SPTBN5: variants seen among roughly 807,000 people sequenced by gnomAD.
SPTBN5 encodes spectrin beta chain, non-erythrocytic 5.
In SPTBN5, 513 loss-of-function variants were observed where a neutral mutation model predicts 477.6. That is an observed-to-expected ratio of 1.07 (90% confidence interval 1.00 to 1.16). SPTBN5 has a LOEUF of 1.16. Ranked by LOEUF, SPTBN5 falls within the 50% of genes most tolerant of loss-of-function variation. The pLI is 0.00. For missense variants in SPTBN5, 5,062 were observed against 4,731.8 expected (o/e 1.07, Z -2.05); for synonymous variants, 2,169 against 2,011.7 (o/e 1.08, Z -2.09).
Position 41,862,805 on chromosome 15 carries a change from G to A in SPTBN5, c.7248C>T (p.Ile2416=). 6.3e-7 allele frequency: 1 copy of A among 1,576,304 alleles called. No homozygotes were observed. The highest frequency in any genetic ancestry group is 2.3e-5 in the East Asian group (1 of 42,760). Residue 2416 remains isoleucine, a synonymous_variant, in exon 42 of 68, where the codon ATC becomes ATT. Transcript: ENST00000320955. ...AGCTACGCACCTCCACCTGGGCCTG[G>A]ATGGGGTGCACTTCCCGCTCCAGCT... ...HEELEREVHP[I]QAQVESLERE...
chr15:41,878,750 C>G (rs536017970), intron 16 of SPTBN5, 121 bp from the exon 17 acceptor site: 2 of 1,110,478 alleles, frequency 1.8e-6, no homozygotes, highest in Non-Finnish European at 2.5e-6. Flanking sequence ...AATGCCCACC[C>G]CACCCTTGAC....
At chr15:41,867,990 G>A (rs1595472151) in intron 34 of SPTBN5, 79 bp downstream of exon 34, 17 of 1,475,506 alleles carry the variant, frequency 1.2e-5, no homozygotes, top group East Asian at 4.7e-5. Context: ...AGAGGCAGGA[G>A]GAAAGGGACT....
intron 43 of SPTBN5, 64 bp downstream of exon 43, chr15:41,862,475 G>A: frequency 6.4e-7 from 1 of 1,553,252 alleles, no homozygotes; most frequent in East Asian, 2.3e-5. Flanking sequence ...AGGGGCTGAG[G>A]GGAGGTGTGG....
At chr15:41,890,746 G>A (rs759875636) in intron 3 of SPTBN5, among the ~76,000 whole-genome samples, 1 of 152,204 alleles carries the variant, frequency 6.6e-6, no homozygotes, top group Non-Finnish European at 1.5e-5. Flanking sequence ...CCAGAGCCTG[G>A]GAATTTGCAC....
chr15:41,869,679 GC>G (rs1344721065), intron 32 of SPTBN5, among the ~76,000 whole-genome samples, 161 bp downstream of exon 32: 1 of 152,180 alleles, frequency 6.6e-6, no homozygotes, highest in Non-Finnish European at 1.5e-5. Flanking sequence ...CATGTGCTCA[GC>G]CCCTGACCAG....
At chr15:41,858,533 G>A in intron 49 of SPTBN5, 69 bp downstream of exon 49, 1 of 1,537,888 alleles carries the variant, frequency 6.5e-7, no homozygotes, top group Non-Finnish European at 8.8e-7. Flanking sequence ...TTCAGCACCA[G>A]CTCTGGGGCA....
chr15:41,861,442 A>T lies in SPTBN5; in HGVS notation c.7792T>A (p.Ser2598Thr). ...MERWLCSKED[S>T]LASEGLWDPL... ...ACCCATAGACCCTCACTGGCTAGGG[A>T]GTCTTCCTTGCTGCAAAGCCAACGT... Residue 2598 changes from serine to threonine, a missense_variant, in exon 46 of 68, where the codon TCC becomes ACC. Coordinates refer to ENST00000320955, the MANE Select transcript of SPTBN5 (RefSeq NM_016642.4). 1 of 1,613,576 alleles carries T rather than the reference A, an allele frequency of 6.2e-7. No individual in the cohort carries two copies.
rs751740719 is a variant in SPTBN5 at position 41,879,401 on chromosome 15, A to C, written c.3041T>G (p.Val1014Gly). 3.1e-6 allele frequency: 5 copies of C among 1,610,638 alleles called. No individual in the cohort carries two copies. The South Asian group carries it at 4.4e-5, about 14-fold the overall frequency. Reference sequence around the variant, plus strand: ...CTGGAGGAGCACGTCTCGCAGCTGGACCTGTGTGGGTCCACACTCCTGCAG... The same window carrying C: ...CTGGAGGAGCACGTCTCGCAGCTGGCCCTGTGTGGGTCCACACTCCTGCAG... Reference protein sequence around the residue: ...SFLQECGPTQVQLRDVLLQLE... With the variant: ...SFLQECGPTQGQLRDVLLQLE... The change falls in exon 16 of 68, where the codon GTC becomes GGC. Residue 1014 changes from valine to glycine, a missense_variant. By Grantham distance (109) the Val-to-Gly change is moderately radical. Transcript: ENST00000320955.
rs377064748 is a variant in SPTBN5, at chr15:41,879,410, G to C, written c.3032C>G (p.Pro1011Arg). ...CACGTCTCGCAGCTGGACCTGTGTG[G>C]GTCCACACTCCTGCAGAAAACTGCA... ...EVCSFLQECG[P>R]TQVQLRDVLL... The change falls in exon 16 of 68, where the codon CCC becomes CGC. Residue 1011 changes from proline (P) to arginine (R), a missense_variant. By Grantham distance (103) the Pro-to-Arg change is moderately radical. Transcript: ENST00000320955. The C allele has an allele frequency of 1.9e-6, 3 of 1,610,500 alleles. No homozygotes were observed. In the African/African-American group the frequency reaches 4.0e-5, roughly 22 times the overall value.
At chr15:41,884,990 A>G (rs1441631512) in intron 7 of SPTBN5, among the ~76,000 whole-genome samples, 1 of 152,014 alleles carries the variant, frequency 6.6e-6, no homozygotes, top group East Asian at 1.9e-4. Context: ...AGCCACTCAA[A>G]CTTAGCACCT....
At chr15:41,877,472 T>C (rs1425959144) in intron 17 of SPTBN5, 116 bp from the exon 18 acceptor site, 13 of 1,410,034 alleles carry the variant, frequency 9.2e-6, no homozygotes, top group Admixed American at 2.2e-5. Context: ...CTGAATGTGA[T>C]AGGCCCAGCA....
Position 41,855,334 on chromosome 15 carries a change from G to A in SPTBN5, c.9313C>T (p.Leu3105=), listed in dbSNP as rs780797357. 5 of 1,608,002 alleles carry A rather than the reference G, an allele frequency of 3.1e-6. No individual in the cohort carries two copies. Among genetic ancestry groups the A allele is most frequent in the Non-Finnish European group, 4.2e-6 (5 of 1,179,732 alleles). The stretch of plus-strand genomic sequence containing the variant: ...TCTCGCTCCAGCTGGTGTAGCTGCA[G>A]CTGCTCCTGCAGGCCGTGCCCCCTG... ...EARGHGLQEQ[L]QLHQLERETL... is the part of the protein sequence containing the mutation. Residue 3105 remains leucine (L), a synonymous_variant, in exon 55 of 68, where the codon CTG becomes TTG. Transcript: ENST00000320955.
chr15:41,862,732 G>T, intron 42 of SPTBN5, 58 bp downstream of exon 42: 1 of 1,542,910 alleles, frequency 6.5e-7, no homozygotes, highest in Non-Finnish European at 8.7e-7. Context: ...CTCCCCACTT[G>T]TGCCCAGGGT....
intron 59 of SPTBN5, 57 bp from the exon 60 acceptor site, chr15:41,853,057 G>C: frequency 6.8e-7 from 1 of 1,460,428 alleles, no homozygotes; most frequent in Non-Finnish European, 9.1e-7. Context: ...ACCATGGGCA[G>C]GGCAGGGCTG....
At chr15:41,869,392 C>T (rs919044062) in intron 32 of SPTBN5, among the ~76,000 whole-genome samples, 3 of 152,250 alleles carry the variant, frequency 2.0e-5, no homozygotes, top group South Asian at 4.1e-4. Flanking sequence ...GTTTCGGGCT[C>T]ATCTCCCCAG....
intron 6 of SPTBN5, 79 bp from the exon 7 acceptor site, chr15:41,886,445 C>T: frequency 6.9e-7 from 1 of 1,456,826 alleles, no homozygotes; most frequent in Middle Eastern, 1.9e-4. Flanking sequence ...AGCCAGAGTT[C>T]CCCAGGTGGG....
rs552187860 is a variant in SPTBN5 at position 41,850,098 on chromosome 15, G to T, written c.10922-139C>A. 1.7e-3 allele frequency: 1,213 copies of T among 729,452 alleles called. 19 individuals are homozygous for T. In the South Asian group the frequency reaches 0.018, roughly 11 times the overall value. The allele number at this position is 729,452 out of a possible 1,614,324, so 45.2% of individuals were successfully genotyped here. On this transcript the variant is annotated intron_variant, in intron 66 of 67. Coordinates refer to ENST00000320955, the MANE Select transcript of SPTBN5 (RefSeq NM_016642.4). Reference sequence around the variant, plus strand: ...GCTATGCCAGGCCCTTCCCACGTGGGGGTGTGGGGCGGGCTGAGCACTTGT... The same window carrying T: ...GCTATGCCAGGCCCTTCCCACGTGGTGGTGTGGGGCGGGCTGAGCACTTGT...
intron 42 of SPTBN5, 45 bp downstream of exon 42, chr15:41,862,745 T>C: frequency 1.3e-6 from 2 of 1,546,334 alleles, no homozygotes; most frequent in Non-Finnish European, 1.7e-6. Flanking sequence ...CCCAGGGTCC[T>C]ACTCAGGAGA....
intron 47 of SPTBN5, among the ~76,000 whole-genome samples, chr15:41,859,981 G>T (rs544135280): frequency 1.3e-5 from 2 of 152,186 alleles, no homozygotes; most frequent in African/African-American, 4.8e-5. Context: ...AAAGTCTGAG[G>T]AGCTGCATGA....
Sources: allele counts gnomAD v4.1 joint callset (sites outside exome capture counted in the v4.1 genomes callset), GRCh38; gene constraint gnomAD v4.1.1; transcripts MANE v1.5; gene names NCBI Gene and HGNC (gene_info 2026-07-23, HGNC 2026-07-21).